The following RIC8B variants were observed in gnomAD, a reference collection of about 807,000 sequenced individuals.
RIC8B encodes the protein RIC8 guanine nucleotide exchange factor B.
RIC8B carries 16 observed loss-of-function variants against 57.5 expected under a neutral mutation model. That is an observed-to-expected ratio of 0.28 (90% CI 0.19 to 0.42). RIC8B has a LOEUF of 0.42. Among genes scored for constraint, RIC8B ranks in the 10% least tolerant of loss-of-function variants. The pLI is 1.00. For missense variants in RIC8B, 481 were observed against 677.0 expected (o/e 0.71, Z 3.21); for synonymous variants, 216 against 250.8 (o/e 0.86, Z 1.31).
At chr12:106,848,803 G>T (rs570330459) in intron 6 of RIC8B, among the ~76,000 whole-genome samples, 2,067 of 152,298 alleles carry the variant, frequency 0.014, 19 homozygotes, top group South Asian at 0.033. Context: ...ATAAAAGCCT[G>T]GAGGTCAGAA....
intron 2 of RIC8B, among the ~76,000 whole-genome samples, chr12:106,806,355 A>G (rs1048062125): frequency 2.6e-5 from 4 of 151,976 alleles, no homozygotes; most frequent in African/African-American, 7.3e-5. Context: ...TACATAAAAT[A>G]TTTTCTGCCA....
At chr12:106,870,262 C>G (rs1327291669) in intron 8 of RIC8B, among the ~76,000 whole-genome samples, 1 of 152,116 alleles carries the variant, frequency 6.6e-6, no homozygotes, top group African/African-American at 2.4e-5. Context: ...TAGGCCAGAT[C>G]AAACCTAATT....
chr12:106,799,347 C>T (rs571711182), intron 2 of RIC8B, among the ~76,000 whole-genome samples: 2 of 152,318 alleles, frequency 1.3e-5, no homozygotes, highest in South Asian at 4.1e-4. Context: ...CTATGCCAAG[C>T]ACTATGCTAG....
chr12:106,861,153 A>G (rs1268400072), intron 8 of RIC8B, among the ~76,000 whole-genome samples: 1 of 152,002 alleles, frequency 6.6e-6, no homozygotes, highest in African/African-American at 2.4e-5. Flanking sequence ...GAGTTATTTG[A>G]GCTATGTTTT....
At chr12:106,824,537 A>G (rs143024440) in intron 3 of RIC8B, among the ~76,000 whole-genome samples, 42 of 152,316 alleles carry the variant, frequency 2.8e-4, no homozygotes, top group African/African-American at 9.6e-4. Flanking sequence ...ATATATGAAT[A>G]TAGGATGTAT....
At chr12:106,856,719 G>A (rs930025806) in intron 7 of RIC8B, among the ~76,000 whole-genome samples, 4 of 152,094 alleles carry the variant, frequency 2.6e-5, no homozygotes, top group Admixed American at 6.6e-5. Flanking sequence ...CCTTTAGGTC[G>A]GAGATCATGT....
At chr12:106,836,710 A>G (rs1313832728) in intron 4 of RIC8B, among the ~76,000 whole-genome samples, 2 of 152,236 alleles carry the variant, frequency 1.3e-5, no homozygotes, top group African/African-American at 4.8e-5. Context: ...ACTGTCCTCA[A>G]TGCAGTAGCC....
chr12:106,852,641 G>A (rs1285202720), intron 7 of RIC8B, among the ~76,000 whole-genome samples: 1 of 152,138 alleles, frequency 6.6e-6, no homozygotes, highest in Admixed American at 6.5e-5. Flanking sequence ...CATAAATGAA[G>A]CAACCTGCCA....
intron 1 of RIC8B, among the ~76,000 whole-genome samples, chr12:106,779,681 ATT>A (rs374606156): frequency 7.3e-4 from 100 of 137,440 alleles, no homozygotes; most frequent in African/African-American, 2.6e-3. Flanking sequence ...ACAAAAAAAA[ATT>A]TTTTTTTTTT....
intron 4 of RIC8B, among the ~76,000 whole-genome samples, chr12:106,828,299 T>C (rs748466074): frequency 6.6e-6 from 1 of 152,184 alleles, no homozygotes; most frequent in Non-Finnish European, 1.5e-5. Context: ...TAGTATCATT[T>C]TGAGCAGTAA....
At chr12:106,837,698 G>A (rs1047879694) in intron 4 of RIC8B, among the ~76,000 whole-genome samples, 13 of 144,438 alleles carry the variant, frequency 9.0e-5, no homozygotes, top group African/African-American at 2.6e-4. Flanking sequence ...CTGGAGTGCA[G>A]TAGTGCAGTC....
At chr12:106,841,341 G>A (rs1948936298) in intron 4 of RIC8B, among the ~76,000 whole-genome samples, 1 of 151,978 alleles carries the variant, frequency 6.6e-6, no homozygotes, top group African/African-American at 2.4e-5. Context: ...CTTTTCAACT[G>A]ACTTGTTACT....
At chr12:106,798,281 G>T (rs915734615) in intron 2 of RIC8B, among the ~76,000 whole-genome samples, 2 of 152,090 alleles carry the variant, frequency 1.3e-5, no homozygotes. Flanking sequence ...CATCTTTGAT[G>T]TATGGAAAAC....
intron 9 of RIC8B, among the ~76,000 whole-genome samples, chr12:106,880,162 A>G (rs751086449): frequency 1.3e-5 from 2 of 151,980 alleles, no homozygotes; most frequent in Non-Finnish European, 2.9e-5. Flanking sequence ...AGCACTTGCC[A>G]TTGCTTTGGT....
At chr12:106,878,864 A>G (rs1215519847) in intron 9 of RIC8B, 2 of 451,160 alleles carry the variant, frequency 4.4e-6, no homozygotes, top group Non-Finnish European at 5.8e-6. Context: ...AGAACAAAAT[A>G]TGTTACATAA....
intron 1 of RIC8B, among the ~76,000 whole-genome samples, chr12:106,780,720 C>T (rs1377481112): frequency 1.3e-5 from 2 of 152,136 alleles, no homozygotes; most frequent in Admixed American, 6.5e-5. Context: ...CAACATACAC[C>T]ACGCAATTAG....
chr12:106,844,736 G>C (rs1949110268), intron 6 of RIC8B, among the ~76,000 whole-genome samples: 1 of 152,158 alleles, frequency 6.6e-6, no homozygotes, highest in African/African-American at 2.4e-5. Context: ...GGAGTAGGAT[G>C]GTAGTGGTTA....
chr12:106,878,818 T>G (rs572647864), intron 9 of RIC8B, among the ~76,000 whole-genome samples: 12 of 140,510 alleles, frequency 8.5e-5, no homozygotes, highest in Admixed American at 5.8e-4. Context: ...AAGCAATGCC[T>G]CATGTTCCCC....
intron 1 of RIC8B, among the ~76,000 whole-genome samples, chr12:106,779,956 G>A (rs1014489472): frequency 4.8e-4 from 70 of 145,642 alleles, no homozygotes; most frequent in African/African-American, 1.6e-3. Flanking sequence ...GAACTTCTGG[G>A]CCTCAGCCTC....
Sources: allele counts gnomAD v4.1 joint callset (sites outside exome capture counted in the v4.1 genomes callset), GRCh38; gene constraint gnomAD v4.1.1; transcripts MANE v1.5; gene names NCBI Gene and HGNC (gene_info 2026-07-23, HGNC 2026-07-21).